The following MEF2C variants were observed in gnomAD, a reference collection of about 807,000 sequenced individuals.
MEF2C encodes myocyte-specific enhancer factor 2C.
A neutral mutation model predicts 50.5 loss-of-function variants in MEF2C; 6 were observed. The observed-to-expected ratio is 0.12, with a 90% CI of 0.07 to 0.23. MEF2C has a LOEUF of 0.23. Among genes scored for constraint, MEF2C ranks in the 10% least tolerant of loss-of-function variants. The probability of loss-of-function intolerance (pLI) is 1.00; values close to 1 mark genes in which losing one functional copy is unlikely to be tolerated. For synonymous variants in MEF2C, 183 were observed against 228.0 expected, an observed-to-expected ratio of 0.80 and a Z score of 1.78; for missense variants, 276 against 605.0, an observed-to-expected ratio of 0.46 and a Z score of 5.70.
At chr5:88,828,358 G>T (rs1248598635) in intron 1 of MEF2C, among the ~76,000 whole-genome samples, 1 of 151,898 alleles carries the variant, frequency 6.6e-6, no homozygotes, top group Non-Finnish European at 1.5e-5. Flanking sequence ...ATGAATAATG[G>T]TAAAACATTG....
chr5:88,893,918 C>T (rs938319564), intron 1 of MEF2C, among the ~76,000 whole-genome samples: 2 of 152,138 alleles, frequency 1.3e-5, no homozygotes, highest in Non-Finnish European at 2.9e-5. Context: ...GGCCAGATTT[C>T]CTACGGACTA....
At chr5:88,886,924 C>A (rs2150179759), upstream of MEF2C, among the ~76,000 whole-genome samples, 1 of 152,316 alleles carries the variant, frequency 6.6e-6, no homozygotes, top group African/African-American at 2.4e-5. Flanking sequence ...TACATTAAAG[C>A]AGCGGTCCAC....
upstream of MEF2C, chr5:88,884,278 C>T (rs1833767374): frequency 6.6e-6 from 1 of 152,218 alleles, no homozygotes; most frequent in African/African-American, 2.4e-5. Flanking sequence ...TTTGGACACG[C>T]GTTAGCCACT....
chr5:88,740,184 C>T, intron 6 of MEF2C: 2 of 984,224 alleles, frequency 2.0e-6, no homozygotes, highest in Non-Finnish European at 2.4e-6. Flanking sequence ...TCATATCTAG[C>T]CTATTTGTCC....
At chr5:88,809,731 G>A (rs1326388896) in intron 2 of MEF2C, among the ~76,000 whole-genome samples, 4 of 152,022 alleles carry the variant, frequency 2.6e-5, no homozygotes, top group African/African-American at 4.8e-5. Context: ...AGATGAGTAC[G>A]AAATGAAATC....
chr5:88,857,463 A>G (rs554080152), intron 1 of MEF2C, among the ~76,000 whole-genome samples: 3 of 152,216 alleles, frequency 2.0e-5, no homozygotes, highest in Non-Finnish European at 4.4e-5. Context: ...TTGGAAAGGC[A>G]TAATTGCATT....
chr5:88,745,613 C>T (rs1397157119), intron 6 of MEF2C, among the ~76,000 whole-genome samples: 1 of 151,898 alleles, frequency 6.6e-6, no homozygotes, highest in African/African-American at 2.4e-5. Context: ...AGTTCAAGAC[C>T]AGCCTGAAAA....
At chr5:88,749,366 T>G in intron 5 of MEF2C, 1 of 984,856 alleles carries the variant, frequency 1.0e-6, no homozygotes, top group Non-Finnish European at 1.2e-6. Flanking sequence ...AATCCAGTCT[T>G]TGGTCTCTGC....
At chr5:88,857,289 T>C (rs908079235) in intron 1 of MEF2C, among the ~76,000 whole-genome samples, 19 of 152,254 alleles carry the variant, frequency 1.2e-4, no homozygotes, top group African/African-American at 3.4e-4. Context: ...CCAATGCCTA[T>C]ACTCCCATTG....
chr5:88,869,702 T>C (rs1370177497), intron 1 of MEF2C, among the ~76,000 whole-genome samples: 4 of 151,272 alleles, frequency 2.6e-5, no homozygotes, highest in African/African-American at 9.7e-5. Context: ...AAATTATTTT[T>C]TATGAAGACA....
chr5:88,737,763 A>G (rs1764736115), intron 6 of MEF2C: 4 of 985,426 alleles, frequency 4.1e-6, no homozygotes, highest in Non-Finnish European at 4.8e-6. Context: ...TGAAGAGCAG[A>G]AAGTTTTCCG....
chr5:88,809,607 C>A (rs1326243759), intron 2 of MEF2C, among the ~76,000 whole-genome samples: 2 of 152,026 alleles, frequency 1.3e-5, no homozygotes, highest in Non-Finnish European at 2.9e-5. Flanking sequence ...TCAGTCATAT[C>A]TAATAATCTG....
At chr5:88,819,079 G>A (rs1029839192) in intron 2 of MEF2C, among the ~76,000 whole-genome samples, 2 of 151,818 alleles carry the variant, frequency 1.3e-5, no homozygotes, top group African/African-American at 4.8e-5. Flanking sequence ...AAGCTCAGAG[G>A]GTCTAAGTAA....
chr5:88,782,148 A>T (rs961307564), intron 3 of MEF2C: 8 of 981,078 alleles, frequency 8.2e-6, no homozygotes, highest in Non-Finnish European at 9.7e-6. Flanking sequence ...GTTTCAATTT[A>T]CTGTAAAGAA....
Position 88,896,258 on chromosome 5 carries a change from C to T in MEF2C, c.-240+7658G>A, listed in dbSNP as rs1835105665. Among the ~76,000 whole-genome samples the T allele has an allele frequency of 3.3e-5, 5 of 152,204 alleles. No individual in the cohort carries two copies. In the South Asian group the frequency reaches 1.0e-3, roughly 31 times the overall value. ...CCCCTGGTCTCTTTTTCTATTCCCT[C>T]TTTGCAATATGAGGCAGGCAGCCAC... On this transcript the variant is annotated intron_variant, in intron 1 of 11. Coordinates refer to the MEF2C transcript ENST00000340208.
chr5:88,833,919 A>C (rs1252145036), intron 1 of MEF2C, among the ~76,000 whole-genome samples: 2 of 152,146 alleles, frequency 1.3e-5, no homozygotes, highest in African/African-American at 2.4e-5. Flanking sequence ...AAAACTCTGT[A>C]GTTACTTTGT....
At chr5:88,778,473 C>T (rs1786031955) in intron 3 of MEF2C, among the ~76,000 whole-genome samples, 2 of 152,026 alleles carry the variant, frequency 1.3e-5, no homozygotes, top group South Asian at 4.1e-4. Flanking sequence ...CTGGTAACTA[C>T]AAGACTACAT....
intron 3 of MEF2C, among the ~76,000 whole-genome samples, chr5:88,783,510 G>A (rs529999613): frequency 6.6e-6 from 1 of 152,274 alleles, no homozygotes; most frequent in East Asian, 1.9e-4. Context: ...GCACATGCCT[G>A]TAATCCTAGC....
At chr5:88,801,413 T>C (rs887430004) in intron 3 of MEF2C, among the ~76,000 whole-genome samples, 2 of 152,138 alleles carry the variant, frequency 1.3e-5, no homozygotes, top group African/African-American at 2.4e-5. Context: ...TGATGTATCA[T>C]AGGTCTTTGC....
Sources: allele counts gnomAD v4.1 joint callset (sites outside exome capture counted in the v4.1 genomes callset), GRCh38; gene constraint gnomAD v4.1.1; transcripts MANE v1.5; gene names NCBI Gene and HGNC (gene_info 2026-07-23, HGNC 2026-07-21).